Variants in STK32B observed in about 807,000 individuals in gnomAD.
The protein encoded by STK32B is serine/threonine kinase 32B, also known as serine/threonine-protein kinase 32B.
Under a neutral mutation model 52.6 loss-of-function variants are expected in STK32B, and 43 were observed. That is an observed-to-expected ratio of 0.82 (90% confidence interval 0.64 to 1.05). STK32B has a LOEUF of 1.05. Among genes scored for constraint, STK32B ranks in the 50% least tolerant of loss-of-function variants. STK32B has a pLI of 0.00. For missense variants in STK32B, 621 were observed against 534.6 expected, an observed-to-expected ratio of 1.16 and a Z score of -1.59; for synonymous variants, 238 against 204.3, an observed-to-expected ratio of 1.17 and a Z score of -1.41.
At chr4:5,109,483 T>A (rs1483252982) in intron 1 of STK32B, among the ~76,000 whole-genome samples, 4 of 152,252 alleles carry the variant, frequency 2.6e-5, no homozygotes, top group Non-Finnish European at 5.9e-5. Context: ...GATAGGCATG[T>A]CCACATGAAC....
rs58022709 is a variant in STK32B at position 5,230,208 on chromosome 4, T to TTTTTTTTTTTTTG, written c.260+61759_260+61760insTTTTTTTTTTTGT. Reference sequence around the variant, plus strand: ...TTTTTTTTTTTTTTTTTTTTTTTTTTTAGTGGAGTCTTGCACCGTCGCCCA... The same window carrying TTTTTTTTTTTTTG: ...TTTTTTTTTTTTTTTTTTTTTTTTTTTTTTTTTTTTTTGTAGTGGAGTCTTGCACCGTCGCCCA... On this transcript the variant is annotated intron_variant, in intron 3 of 11. Transcript: ENST00000282908. Among the ~76,000 whole-genome samples the TTTTTTTTTTTTTG allele has an allele frequency of 2.4e-4, 25 of 103,488 alleles. 1 individual carries two copies. Among genetic ancestry groups the TTTTTTTTTTTTTG allele is most frequent in the Admixed American group, 3.6e-4 (3 of 8,238 alleles). 67.9% of individuals were successfully genotyped at this position (103,488 alleles called of 152,430 possible).
At chr4:5,458,883 G>T (rs141603010) in intron 8 of STK32B, 1 of 152,122 alleles carries the variant, frequency 6.6e-6, no homozygotes, top group African/African-American at 2.4e-5. Context: ...CTCGCATCCC[G>T]TCACCTGGTT....
chr4:5,491,750 T>C (rs1054212534), intron 11 of STK32B, among the ~76,000 whole-genome samples: 1 of 151,816 alleles, frequency 6.6e-6, no homozygotes, highest in Non-Finnish European at 1.5e-5. Flanking sequence ...TGAATTAATT[T>C]TTGTATAAGG....
intron 11 of STK32B, among the ~76,000 whole-genome samples, chr4:5,496,635 C>G (rs963400868): frequency 6.6e-6 from 1 of 152,054 alleles, no homozygotes; most frequent in Non-Finnish European, 1.5e-5. Context: ...AATCACCCAT[C>G]TTCTGCGTCG....
intron 6 of STK32B, 137 bp from the exon 7 acceptor site, chr4:5,446,536 A>T (rs1222689012): frequency 7.4e-6 from 5 of 680,046 alleles, no homozygotes; most frequent in Non-Finnish European, 1.2e-5. Flanking sequence ...CAGCCTGGGC[A>T]GCAGAGCAAA....
In STK32B at chr4:5,223,039, C is replaced by G. The variant is rs572095762; in HGVS notation, c.260+54589C>G. 1.6e-4 allele frequency among the ~76,000 whole-genome samples: 24 copies of G among 152,260 alleles called. No individual in the cohort carries two copies. The South Asian group carries it at 5.0e-3, about 32-fold the overall frequency. ...AAGGCCCATGTGGGGTCTTAGAGCT[C>G]AGGACCATCTCAAGTCTCTGGTTCC... On this transcript the variant is annotated intron_variant, in intron 3 of 11. Coordinates refer to ENST00000282908, the MANE Select transcript of STK32B (RefSeq NM_018401.3).
chr4:5,095,508 G>C (rs972246553), intron 1 of STK32B, among the ~76,000 whole-genome samples: 1 of 152,130 alleles, frequency 6.6e-6, no homozygotes, highest in African/African-American at 2.4e-5. Context: ...CCAGCTACTT[G>C]GGAGGCTGAG....
intron 11 of STK32B, among the ~76,000 whole-genome samples, chr4:5,493,116 C>G (rs1394098197): frequency 1.3e-5 from 2 of 151,612 alleles, no homozygotes; most frequent in African/African-American, 4.9e-5. Flanking sequence ...GGAGGATTCC[C>G]TCTTTTTCTA....
chr4:5,171,095 T>G (rs1188462677), intron 3 of STK32B, among the ~76,000 whole-genome samples: 2 of 152,194 alleles, frequency 1.3e-5, no homozygotes, highest in Admixed American at 1.3e-4. Context: ...TTTGGCTGCA[T>G]AAATGTCTTC....
chr4:5,272,302 T>G (rs1230021953), intron 3 of STK32B, among the ~76,000 whole-genome samples: 1 of 149,256 alleles, frequency 6.7e-6, no homozygotes, highest in African/African-American at 2.5e-5. Context: ...TATGCTCGAT[T>G]ACATTTATTG....
At chr4:5,173,103 G>A (rs1383526956) in intron 3 of STK32B, among the ~76,000 whole-genome samples, 1 of 152,178 alleles carries the variant, frequency 6.6e-6, no homozygotes, top group African/African-American at 2.4e-5. Context: ...GCGTAGAGGT[G>A]TTGATAGTAT....
At chr4:5,446,070 C>G (rs1715389350) in intron 6 of STK32B, among the ~76,000 whole-genome samples, 1 of 152,192 alleles carries the variant, frequency 6.6e-6, no homozygotes, top group Non-Finnish European at 1.5e-5. Context: ...ACCAATCCAC[C>G]CCCTCCAGGG....
At chr4:5,167,069 G>A (rs1010590288) in intron 2 of STK32B, among the ~76,000 whole-genome samples, 3 of 152,090 alleles carry the variant, frequency 2.0e-5, no homozygotes, top group Non-Finnish European at 4.4e-5. Flanking sequence ...CACGCCCTCC[G>A]TTACAGGATT....
chr4:5,244,800 G>T (rs1258693034), intron 3 of STK32B, among the ~76,000 whole-genome samples: 2 of 152,158 alleles, frequency 1.3e-5, no homozygotes, highest in Non-Finnish European at 1.5e-5. Flanking sequence ...TGGTTTCAAA[G>T]AACATCTTTA....
rs185724190 is a variant in STK32B, at chr4:5,345,961, C to G, written c.434+14568C>G. On this transcript the variant is annotated intron_variant, in intron 4 of 11. Coordinates refer to ENST00000282908, the MANE Select transcript of STK32B (RefSeq NM_018401.3). ...TCATATTGTGGGACAGTGGCCCTTT[C>G]CCATTGAGTTTGCATGAACTGATGG... Among the ~76,000 whole-genome samples, 7 of 152,306 alleles carry G rather than the reference C, an allele frequency of 4.6e-5. No individual in the cohort carries two copies. The East Asian group carries it at 1.2e-3, about 25-fold the overall frequency.
intron 1 of STK32B, among the ~76,000 whole-genome samples, chr4:5,092,563 C>T (rs1283333794): frequency 6.6e-6 from 1 of 151,868 alleles, no homozygotes; most frequent in African/African-American, 2.4e-5. Flanking sequence ...AGAAGAAAAC[C>T]TGAAACCGGG....
At chr4:5,439,316 T>A (rs78849090) in intron 6 of STK32B, among the ~76,000 whole-genome samples, 1 of 151,418 alleles carries the variant, frequency 6.6e-6, no homozygotes, top group African/African-American at 2.4e-5. Flanking sequence ...GAGATGGTAT[T>A]TCATTGTGGT....
At chr4:5,159,534 TATATATGTATATATATGA>T (rs1560185588) in intron 2 of STK32B, among the ~76,000 whole-genome samples, 2 of 113,028 alleles carry the variant, frequency 1.8e-5, no homozygotes, top group East Asian at 5.3e-4. Context: ...GATATATATG[TATATATGTATATATATGA>T]ATATATATGA....
At chr4:5,412,320 G>C (rs562662625) in intron 5 of STK32B, among the ~76,000 whole-genome samples, 2 of 152,214 alleles carry the variant, frequency 1.3e-5, no homozygotes, top group Non-Finnish European at 2.9e-5. Context: ...AGGAAATCTT[G>C]TTGGGCACTA....
Sources: gnomAD v4.1 joint callset for allele counts (sites outside exome capture counted in the v4.1 genomes callset) on GRCh38, gnomAD v4.1.1 for gene constraint, MANE v1.5 for transcripts, NCBI Gene and HGNC (gene_info 2026-07-23, HGNC 2026-07-21) for gene names.